The following ZNF503 variants were observed in gnomAD, a reference collection of about 807,000 sequenced individuals.
The protein encoded by ZNF503 is NocA-like zinc finger 2.
A neutral mutation model predicts 34.4 loss-of-function variants in ZNF503; 15 were observed. That is an observed-to-expected ratio of 0.44 (90% CI 0.29 to 0.67). ZNF503 has a LOEUF of 0.67. ZNF503 is among the 30% of genes least tolerant of loss of function. The probability of loss-of-function intolerance (pLI) is 0.13; values close to 1 mark genes in which losing one functional copy is unlikely to be tolerated. For missense variants in ZNF503, 1,007 were observed against 926.8 expected, an observed-to-expected ratio of 1.09 and a Z score of -1.12; for synonymous variants, 580 against 456.8, an observed-to-expected ratio of 1.27 and a Z score of -3.44.
the ZNF503 span, among the ~76,000 whole-genome samples, chr10:75,356,099 A>G: frequency 1.3e-5 from 2 of 152,244 alleles, no homozygotes; most frequent in Non-Finnish European, 2.9e-5. Context: ...CCAGTAGTGC[A>G]GCATCACATC....
chr10:75,368,367 G>C, the ZNF503 span, among the ~76,000 whole-genome samples: 5 of 151,952 alleles, frequency 3.3e-5, no homozygotes, highest in Non-Finnish European at 7.4e-5. Flanking sequence ...GAAAGAGAAG[G>C]GTTCAAAAAT....
the ZNF503 span, among the ~76,000 whole-genome samples, chr10:75,348,419 A>G: frequency 6.6e-6 from 1 of 150,884 alleles, no homozygotes; most frequent in African/African-American, 2.4e-5. Flanking sequence ...GCTGGTCTTG[A>G]TCTTCTGACC....
At chr10:75,317,987 C>T in the ZNF503 span, among the ~76,000 whole-genome samples, 1 of 152,044 alleles carries the variant, frequency 6.6e-6, no homozygotes, top group African/African-American at 2.4e-5. Flanking sequence ...CAGAGCGAGA[C>T]TCTGTCTCAA....
chr10:75,332,782 C>G, the ZNF503 span, among the ~76,000 whole-genome samples: 1 of 146,468 alleles, frequency 6.8e-6, no homozygotes, highest in South Asian at 2.3e-4. Flanking sequence ...CAGAGAGCAC[C>G]GGGTTGGGGG....
the ZNF503 span, among the ~76,000 whole-genome samples, chr10:75,342,403 G>A: frequency 6.6e-6 from 1 of 152,102 alleles, no homozygotes; most frequent in South Asian, 2.1e-4. Flanking sequence ...GGGAGCGAGA[G>A]AAGCAGGACT....
chr10:75,359,737 G>A, the ZNF503 span, among the ~76,000 whole-genome samples: 1 of 152,226 alleles, frequency 6.6e-6, no homozygotes, highest in Non-Finnish European at 1.5e-5. Flanking sequence ...ATGGGCATTA[G>A]ACTTGGGCTG....
chr10:75,384,609 A>T, the ZNF503 span, among the ~76,000 whole-genome samples: 1 of 152,052 alleles, frequency 6.6e-6, no homozygotes, highest in East Asian at 1.9e-4. Flanking sequence ...GTAGCTACCC[A>T]GCCAGGCCCC....
the ZNF503 span, among the ~76,000 whole-genome samples, chr10:75,318,340 T>C: frequency 1.2e-3 from 179 of 152,102 alleles, no homozygotes; most frequent in African/African-American, 4.0e-3. Flanking sequence ...AAAAATATTC[T>C]GGAATGAAGG....
chr10:75,401,123 C>T lies in ZNF503; in HGVS notation c.297G>A (p.Thr99=), dbSNP rs759045158. 1.9e-6 allele frequency: 3 copies of T among 1,613,184 alleles called. No individual in the cohort carries two copies. The highest frequency in any genetic ancestry group is 2.2e-5 in the South Asian group (2 of 90,992). Residue 99 remains threonine (T), a synonymous_variant, in exon 1 of 2, where the codon ACG becomes ACA. Coordinates refer to ENST00000372524, the MANE Select transcript of ZNF503 (RefSeq NM_032772.6). ...TCCTTACCTCGATGGGGCTGACCGG[C>T]GTGGAAGGCAGGGGCTGCAGGTACT... ...HPEYLQPLPS[T]PVSPIELDAK... is the part of the protein sequence containing the mutation.
At chr10:75,383,368 C>T in the ZNF503 span, among the ~76,000 whole-genome samples, 1 of 152,210 alleles carries the variant, frequency 6.6e-6, no homozygotes, top group South Asian at 2.1e-4. Flanking sequence ...TCCTCTTCCT[C>T]TAAGGCTCCA....
At chr10:75,329,007 A>G in the ZNF503 span, among the ~76,000 whole-genome samples, 2 of 152,114 alleles carry the variant, frequency 1.3e-5, no homozygotes, top group Admixed American at 1.3e-4. Flanking sequence ...TCAGCCTCCC[A>G]AAGTGCTGGG....
the ZNF503 span, among the ~76,000 whole-genome samples, chr10:75,340,488 C>T: frequency 2.5e-3 from 383 of 152,196 alleles, 2 homozygotes; most frequent in African/African-American, 7.7e-3. Flanking sequence ...TGTTCACAAT[C>T]GTGAACAACT....
the ZNF503 span, among the ~76,000 whole-genome samples, chr10:75,357,133 C>T: frequency 1.3e-5 from 2 of 150,666 alleles, no homozygotes; most frequent in African/African-American, 4.9e-5. Flanking sequence ...TTTTTAAGCA[C>T]AGGAGCATGG....
At chr10:75,288,157 C>T in the ZNF503 span, among the ~76,000 whole-genome samples, 1 of 152,384 alleles carries the variant, frequency 6.6e-6, no homozygotes, top group South Asian at 2.1e-4. Context: ...GCCACAGTTA[C>T]ATTGGCAGCA....
chr10:75,393,693 C>A (rs1843668273), downstream of ZNF503, among the ~76,000 whole-genome samples: 1 of 152,096 alleles, frequency 6.6e-6, no homozygotes, highest in East Asian at 1.9e-4. Flanking sequence ...CCTGTCTTTA[C>A]TAAAACTACA....
At chr10:75,290,262 A>G in the ZNF503 span, among the ~76,000 whole-genome samples, 8 of 152,214 alleles carry the variant, frequency 5.3e-5, no homozygotes, top group African/African-American at 1.9e-4. Context: ...GGTTACTGCC[A>G]TATTTTAGCT....
chr10:75,386,128 T>C, the ZNF503 span, among the ~76,000 whole-genome samples: 6 of 152,336 alleles, frequency 3.9e-5, no homozygotes, highest in South Asian at 8.3e-4. Flanking sequence ...AGCCAGAAAC[T>C]ACATTTCACA....
chr10:75,341,872 G>A, the ZNF503 span, among the ~76,000 whole-genome samples: 1 of 152,132 alleles, frequency 6.6e-6, no homozygotes, highest in Non-Finnish European at 1.5e-5. Flanking sequence ...ACCCAGGCAA[G>A]TTCCCACACA....
the ZNF503 span, among the ~76,000 whole-genome samples, chr10:75,392,120 C>T: frequency 8.4e-4 from 128 of 152,266 alleles, 1 homozygote; most frequent in African/African-American, 2.9e-3. Flanking sequence ...TTACTTTATT[C>T]GGCTTCATCA....
Sources: gnomAD v4.1 joint callset for allele counts (sites outside exome capture counted in the v4.1 genomes callset) on GRCh38, gnomAD v4.1.1 for gene constraint, MANE v1.5 for transcripts, NCBI Gene and HGNC (gene_info 2026-07-23, HGNC 2026-07-21) for gene names.